NCAM1: variants seen among roughly 807,000 people sequenced by gnomAD.
NCAM1 encodes the protein antigen recognized by monoclonal antibody 5.1H11.
In NCAM1, 14 loss-of-function variants were observed where a neutral mutation model predicts 109.8. The observed-to-expected ratio is 0.13, with a 90% CI of 0.08 to 0.20. NCAM1 has a LOEUF of 0.20. Ranked by LOEUF, NCAM1 falls within the 10% of genes least tolerant of loss-of-function variation. The pLI is 1.00. For synonymous variants in NCAM1, 418 were observed against 442.9 expected (o/e 0.94, Z 0.70); for missense variants, 774 against 1,109.9 (o/e 0.70, Z 4.30).
rs190566736 is a variant in NCAM1, at chr11:113,207,778, A to G, written c.747-55A>G. On this transcript the variant is annotated intron_variant, in intron 6 of 19. Coordinates refer to ENST00000316851, the MANE Select transcript of NCAM1 (RefSeq NM_181351.5). ...ATTCTATGGAACCTAATTAAAAATA[A>G]ACGTCTTATTTCTGTGGTCGAAATC... 3.6e-4 allele frequency: 549 copies of G among 1,521,466 alleles called. 5 individuals carry two copies. The African/African-American group carries it at 7.1e-3, about 20-fold the overall frequency. The allele number at this position is 1,521,466 out of a possible 1,614,324, so 94.2% of individuals were successfully genotyped here.
intron 1 of NCAM1, among the ~76,000 whole-genome samples, chr11:112,967,170 C>T (rs1408665161): frequency 6.6e-6 from 1 of 152,118 alleles, no homozygotes; most frequent in Non-Finnish European, 1.5e-5. Flanking sequence ...TTCTATTTGG[C>T]GTCATTCCTG....
intron 1 of NCAM1, among the ~76,000 whole-genome samples, chr11:113,058,022 C>A (rs2135460290): frequency 6.6e-6 from 1 of 152,212 alleles, no homozygotes; most frequent in South Asian, 2.1e-4. Context: ...TGGTGGCTCA[C>A]ACCTGTAATT....
chr11:113,162,875 C>A (rs1057346622), intron 1 of NCAM1, among the ~76,000 whole-genome samples: 5 of 152,142 alleles, frequency 3.3e-5, no homozygotes, highest in East Asian at 3.9e-4. Flanking sequence ...CATGGAAATT[C>A]GAAATGGACG....
At chr11:112,969,972 TG>T (rs1950832775) in intron 1 of NCAM1, among the ~76,000 whole-genome samples, 1 of 151,946 alleles carries the variant, frequency 6.6e-6, no homozygotes, top group South Asian at 2.1e-4. Context: ...TTTTAATGTC[TG>T]GGGGAAAAAA....
chr11:113,160,247 C>T (rs547903474), intron 1 of NCAM1, among the ~76,000 whole-genome samples: 61 of 152,266 alleles, frequency 4.0e-4, no homozygotes, highest in Non-Finnish European at 6.0e-4. Context: ...GACAATCTCT[C>T]ACCACATTGG....
chr11:113,256,073 G>C (rs1230447478), intron 16 of NCAM1, 72 bp downstream of exon 16: 2 of 1,538,664 alleles, frequency 1.3e-6, no homozygotes, highest in East Asian at 4.9e-5. Flanking sequence ...GGAAACAACA[G>C]GGGCAGCCCA....
chr11:113,236,383 T>C, intron 14 of NCAM1: 1 of 1,557,434 alleles, frequency 6.4e-7, no homozygotes, highest in Admixed American at 1.7e-5. Flanking sequence ...TAGTTCGTAA[T>C]TTAGTTCTGG....
chr11:113,232,894 G>A, intron 12 of NCAM1, 80 bp downstream of exon 12: 1 of 1,284,610 alleles, frequency 7.8e-7, no homozygotes, highest in Non-Finnish European at 1.1e-6. Context: ...GTACTTGAGT[G>A]ATTCCAGGAT....
At chr11:113,268,488 T>C (rs189004399) in intron 17 of NCAM1, among the ~76,000 whole-genome samples, 1 of 152,296 alleles carries the variant, frequency 6.6e-6, no homozygotes, top group East Asian at 1.9e-4. Flanking sequence ...CCAAAGGGAC[T>C]AAAAACATGT....
rs371658326 is a variant in NCAM1 at position 113,036,532 on chromosome 11, C to T, written c.52+74868C>T. On this transcript the variant is annotated intron_variant, in intron 1 of 19. Coordinates refer to ENST00000316851, the MANE Select transcript of NCAM1 (RefSeq NM_181351.5). ...CTTTCTGTGTTGCCGTTGCCCCTGC[C>T]GCCTCTACTTTATAGATGCCTTCCC... Among the ~76,000 whole-genome samples, 98 of 152,146 alleles carry T rather than the reference C, an allele frequency of 6.4e-4. No individual in the cohort carries two copies. The South Asian group carries it at 0.019, about 29-fold the overall frequency.
At chr11:113,167,872 C>T (rs1029915865) in intron 1 of NCAM1, among the ~76,000 whole-genome samples, 4 of 152,162 alleles carry the variant, frequency 2.6e-5, no homozygotes, top group East Asian at 1.9e-4. Context: ...GGCGGTTGGG[C>T]AGGGTGTATT....
chr11:113,247,796 A>G (rs1591456500), intron 15 of NCAM1, among the ~76,000 whole-genome samples: 1 of 152,252 alleles, frequency 6.6e-6, no homozygotes, highest in East Asian at 1.9e-4. Context: ...GGCAGAGAAT[A>G]TAGACAGCTT....
intron 1 of NCAM1, chr11:113,130,885 T>G (rs1261217304): frequency 6.6e-6 from 1 of 152,226 alleles, no homozygotes; most frequent in Non-Finnish European, 1.5e-5. Flanking sequence ...ATATTCTTCC[T>G]AAGGTAGAAT....
At chr11:112,968,933 C>G (rs1295622558) in intron 1 of NCAM1, among the ~76,000 whole-genome samples, 3 of 152,128 alleles carry the variant, frequency 2.0e-5, no homozygotes, top group Non-Finnish European at 4.4e-5. Flanking sequence ...CTTCAGGAAT[C>G]GTGTGGAGTT....
chr11:113,163,729 G>T (rs1284095472), intron 1 of NCAM1, among the ~76,000 whole-genome samples: 1 of 152,078 alleles, frequency 6.6e-6, no homozygotes, highest in African/African-American at 2.4e-5. Flanking sequence ...GAAAAGTTTT[G>T]CTCAGACCTG....
At chr11:113,237,891 GATATAGAT>G (rs202182994) in intron 14 of NCAM1, among the ~76,000 whole-genome samples, 2 of 31,384 alleles carry the variant, frequency 6.4e-5, no homozygotes, top group Non-Finnish European at 1.4e-4. Flanking sequence ...TAGATATATA[GATATAGAT>G]ATATAGATAT....
At chr11:113,155,366 G>A (rs1030078614) in intron 1 of NCAM1, among the ~76,000 whole-genome samples, 5 of 151,978 alleles carry the variant, frequency 3.3e-5, no homozygotes, top group Admixed American at 6.6e-5. Context: ...AAAGTTAGCT[G>A]GGTGTGGTGG....
At chr11:113,245,603 A>C (rs142862359) in intron 14 of NCAM1, among the ~76,000 whole-genome samples, 1 of 152,202 alleles carries the variant, frequency 6.6e-6, no homozygotes, top group Non-Finnish European at 1.5e-5. Context: ...CTCTTCCTTT[A>C]TATGGGTCTT....
chr11:112,989,385 G>T (rs1157737925), intron 1 of NCAM1, among the ~76,000 whole-genome samples: 2 of 152,076 alleles, frequency 1.3e-5, no homozygotes, highest in African/African-American at 4.8e-5. Context: ...CTGCATGATT[G>T]AGTCTGTTGT....
Sources: gnomAD v4.1 joint callset for allele counts (sites outside exome capture counted in the v4.1 genomes callset) on GRCh38, gnomAD v4.1.1 for gene constraint, MANE v1.5 for transcripts, NCBI Gene and HGNC (gene_info 2026-07-23, HGNC 2026-07-21) for gene names.